The following RYR2 variants were observed in gnomAD, a reference collection of about 807,000 sequenced individuals.
The protein encoded by RYR2 is cardiac muscle ryanodine receptor-calcium release channel.
Under a neutral mutation model 601.1 loss-of-function variants are expected in RYR2, and 227 were observed. That is an observed-to-expected ratio of 0.38 (90% confidence interval 0.34 to 0.42). The LOEUF is 0.42. RYR2 is among the 10% of genes least tolerant of loss of function. The probability of loss-of-function intolerance (pLI) is 1.00; values close to 1 mark genes in which losing one functional copy is unlikely to be tolerated. For missense variants in RYR2, 4,646 were observed against 6,156.5 expected (o/e 0.75, Z 8.21); for synonymous variants, 2,223 against 2,175.1 (o/e 1.02, Z -0.61).
rs1684469954 is a variant in RYR2, at chr1:237,667,964, A to G, written c.8590+6A>G. The G allele has an allele frequency of 2.6e-6, 4 of 1,554,750 alleles. No individual in the cohort carries two copies. The highest frequency in any genetic ancestry group is 3.5e-6 in the Non-Finnish European group (4 of 1,149,144). ...AATGGAGTTGGAGTCCAAAGGTAAT[A>G]TTTTCTAAAAACGTTTATTAAAAAA... is the stretch of plus-strand genomic sequence containing the variant. On this transcript the variant is annotated splice_donor_region_variant and intron_variant, in intron 58 of 104. Transcript: ENST00000366574.
intron 50 of RYR2, 38 bp downstream of exon 50, chr1:237,650,135 A>G (rs1366010905): frequency 2.6e-6 from 4 of 1,559,976 alleles, no homozygotes; most frequent in Non-Finnish European, 3.5e-6. Flanking sequence ...CTTCTTCTTT[A>G]AAAAACAGAA....
At chr1:237,273,892 T>C (rs1689963801) in intron 2 of RYR2, among the ~76,000 whole-genome samples, 2 of 147,524 alleles carry the variant, frequency 1.4e-5, no homozygotes, top group African/African-American at 2.5e-5. Flanking sequence ...TTATAAATGA[T>C]ATAATAAACA....
At chr1:237,826,335 T>TA (rs962912028) in intron 101 of RYR2, among the ~76,000 whole-genome samples, 89 of 152,126 alleles carry the variant, frequency 5.9e-4, no homozygotes, top group Admixed American at 1.5e-3. Flanking sequence ...TATGCAGCCA[T>TA]AAAAAAAGGA....
chr1:237,441,756 C>G (rs1027920099), intron 13 of RYR2, among the ~76,000 whole-genome samples: 2 of 152,132 alleles, frequency 1.3e-5, no homozygotes, highest in East Asian at 3.9e-4. Flanking sequence ...AGTTTAGTAC[C>G]GTTCACTTTG....
chr1:237,711,864 C>T (rs1469509942), intron 71 of RYR2, 27 bp downstream of exon 71: 3 of 1,019,532 alleles, frequency 2.9e-6, no homozygotes, highest in Non-Finnish European at 4.5e-6. Flanking sequence ...TTTCACTGTT[C>T]TGGAAAATAT....
chr1:237,058,371 TC>T (rs1032764076), intron 1 of RYR2, among the ~76,000 whole-genome samples: 5 of 152,320 alleles, frequency 3.3e-5, no homozygotes, highest in South Asian at 2.1e-4. Context: ...GAGAGTTTTT[TC>T]CTCCACATTT....
Position 237,730,239 on chromosome 1 carries a change from GA to G in RYR2, c.10839-18del, listed in dbSNP as rs1171412633. ...CTTATTTTCTAAACACCCTTTTTCTGAAATTGTGCTTACCTTTCAGGCATCG... is the reference window on the plus strand; with the variant it reads ...CTTATTTTCTAAACACCCTTTTTCTGAATTGTGCTTACCTTTCAGGCATCG... On this transcript the variant is annotated intron_variant, in intron 76 of 104. Coordinates refer to ENST00000366574, the MANE Select transcript of RYR2 (RefSeq NM_001035.3). 1 of 1,442,004 alleles carries G rather than the reference GA, an allele frequency of 6.9e-7. No homozygotes were observed. The highest frequency in any genetic ancestry group is 9.8e-7 in the Non-Finnish European group (1 of 1,023,886). The allele number at this position is 1,442,004 out of a possible 1,614,324, so 89.3% of individuals were successfully genotyped here.
intron 47 of RYR2, among the ~76,000 whole-genome samples, chr1:237,641,844 G>C (rs938314870): frequency 1.4e-4 from 21 of 152,170 alleles, no homozygotes; most frequent in Non-Finnish European, 2.5e-4. Context: ...ACCCAGCCTA[G>C]ATTAGTATTT....
Position 237,591,590 on chromosome 1 carries a change from C to T in RYR2, c.4161-149C>T, listed in dbSNP as rs757472666. Reference sequence around the variant, plus strand: ...CACTCCATCCCCCAAACTGTGAGAACCAAAAACATGTATTTTCAGATATTC... The same window carrying T: ...CACTCCATCCCCCAAACTGTGAGAATCAAAAACATGTATTTTCAGATATTC... On this transcript the variant is annotated intron_variant, in intron 31 of 104. Coordinates refer to ENST00000366574, the MANE Select transcript of RYR2 (RefSeq NM_001035.3). 2.0e-4 allele frequency: 132 copies of T among 651,920 alleles called. 1 individual carries two copies. The highest frequency in any genetic ancestry group is 3.4e-4 in the Non-Finnish European group (126 of 367,424). The allele number at this position is 651,920 out of a possible 1,614,324, so 40.4% of individuals were successfully genotyped here.
chr1:237,653,471 C>T (rs1281474271), intron 51 of RYR2, among the ~76,000 whole-genome samples: 1 of 152,190 alleles, frequency 6.6e-6, no homozygotes, highest in Non-Finnish European at 1.5e-5. Context: ...ATCCAAACAA[C>T]CTCATAAAGA....
chr1:237,714,312 A>G (rs1464254111), intron 71 of RYR2, among the ~76,000 whole-genome samples: 3 of 152,268 alleles, frequency 2.0e-5, no homozygotes, highest in African/African-American at 7.2e-5. Flanking sequence ...ACAGCTGAAT[A>G]TCTAACAATC....
At chr1:237,388,506 T>C (rs967996925) in intron 10 of RYR2, among the ~76,000 whole-genome samples, 3 of 152,230 alleles carry the variant, frequency 2.0e-5, no homozygotes, top group Non-Finnish European at 4.4e-5. Flanking sequence ...TTAGTTTTGA[T>C]TAATTTTCTT....
At chr1:237,593,340 C>T (rs528729968) in intron 32 of RYR2, 136 bp from the exon 33 acceptor site, 7 of 725,638 alleles carry the variant, frequency 9.6e-6, no homozygotes, top group Middle Eastern at 3.8e-4. Context: ...ACAATATTTT[C>T]ATTCACCCAA....
At chr1:237,693,337 TC>T (rs1404323679) in intron 63 of RYR2, among the ~76,000 whole-genome samples, 2 of 152,026 alleles carry the variant, frequency 1.3e-5, no homozygotes, top group African/African-American at 4.8e-5. Context: ...CCAACAATGA[TC>T]CTTTCAGTTC....
chr1:237,742,504 A>G (rs962631311), intron 80 of RYR2, among the ~76,000 whole-genome samples, 155 bp downstream of exon 80: 1 of 152,170 alleles, frequency 6.6e-6, no homozygotes, highest in Non-Finnish European at 1.5e-5. Context: ...CCTGAGTCCT[A>G]ACATTTGCTG....
chr1:237,690,230 T>A (rs1686819048), intron 63 of RYR2, among the ~76,000 whole-genome samples: 1 of 152,226 alleles, frequency 6.6e-6, no homozygotes, highest in Admixed American at 6.5e-5. Flanking sequence ...GATGCTAATA[T>A]GACATCCTAG....
chr1:237,383,584 C>A (rs1485489906), intron 8 of RYR2, among the ~76,000 whole-genome samples: 2 of 151,622 alleles, frequency 1.3e-5, no homozygotes, highest in Non-Finnish European at 2.9e-5. Context: ...TGCCTGCCAC[C>A]ACACCCGGAT....
At chr1:237,795,856 GTATATATATA>G (rs1205860625) in intron 96 of RYR2, among the ~76,000 whole-genome samples, 3 of 79,702 alleles carry the variant, frequency 3.8e-5, no homozygotes, top group Admixed American at 1.5e-4. Flanking sequence ...ATATGTATAT[GTATATATATA>G]TATATATACA....
chr1:237,398,093 C>T (rs1425793577), intron 10 of RYR2, among the ~76,000 whole-genome samples: 4 of 152,020 alleles, frequency 2.6e-5, no homozygotes, highest in African/African-American at 4.8e-5. Context: ...ACATGAATGC[C>T]GGCCAGTCAT....
Sources: allele counts gnomAD v4.1 joint callset (sites outside exome capture counted in the v4.1 genomes callset), GRCh38; gene constraint gnomAD v4.1.1; transcripts MANE v1.5; gene names NCBI Gene and HGNC (gene_info 2026-07-23, HGNC 2026-07-21).